The following NPR3 variants were observed in gnomAD, a reference collection of about 807,000 sequenced individuals.
The protein encoded by NPR3 is atrial natriuretic peptide receptor 3.
A neutral mutation model predicts 54.5 loss-of-function variants in NPR3; 34 were observed. The observed-to-expected ratio is 0.62, with a 90% CI of 0.47 to 0.83. NPR3 has a LOEUF of 0.83. NPR3 is among the 40% of genes least tolerant of loss of function. NPR3 has a pLI of 0.00. For missense variants in NPR3, 674 were observed against 720.8 expected, an observed-to-expected ratio of 0.94 and a Z score of 0.74; for synonymous variants, 289 against 297.1, an observed-to-expected ratio of 0.97 and a Z score of 0.28.
intron 1 of NPR3, among the ~76,000 whole-genome samples, chr5:32,704,370 T>TTGTGTG (rs57959913): frequency 0.038 from 5,527 of 146,826 alleles, 165 homozygotes; most frequent in African/African-American, 0.085. Context: ...TTTTGGCTCT[T>TTGTGTG]TGTGTGTGTG....
intron 3 of NPR3, among the ~76,000 whole-genome samples, chr5:32,758,317 TG>T (rs1048123055): frequency 6.6e-6 from 1 of 152,220 alleles, no homozygotes; most frequent in African/African-American, 2.4e-5. Context: ...AAATTCTTCC[TG>T]GTGTAGTCTT....
chr5:32,778,570 T>A (rs1460975624), intron 4 of NPR3, among the ~76,000 whole-genome samples: 1 of 152,126 alleles, frequency 6.6e-6, no homozygotes, highest in African/African-American at 2.4e-5. Context: ...GTGTGAGAGG[T>A]CAGAGTGACA....
rs754855640 is a variant in NPR3, at chr5:32,789,612, C to T, written c.*3267C>T. 2.6e-5 allele frequency: 14 copies of T among 534,672 alleles called. No homozygotes were observed. Among genetic ancestry groups the T allele is most frequent in the South Asian group, 1.5e-4 (11 of 71,602 alleles). The allele number at this position is 534,672 out of a possible 1,614,324, so 33.1% of individuals were successfully genotyped here. A position where few individuals can be genotyped will look rare whatever the true frequency, so the allele number is the denominator to read the frequency against. ...AGACGTTTGCTTTGGAATGCCCTCA[C>T]TTCTCCCTATTCACAGGCTTCTAAA... On this transcript the variant is annotated 3_prime_UTR_variant, in exon 8 of 8. Transcript: ENST00000265074.
At chr5:32,723,729 G>T (rs1738988001) in intron 1 of NPR3, among the ~76,000 whole-genome samples, 1 of 152,054 alleles carries the variant, frequency 6.6e-6, no homozygotes, top group Non-Finnish European at 1.5e-5. Context: ...TTTTGGAAAA[G>T]ACGTAAGAAA....
intron 1 of NPR3, among the ~76,000 whole-genome samples, chr5:32,695,121 G>T (rs997320759): frequency 6.6e-6 from 1 of 152,086 alleles, no homozygotes; most frequent in African/African-American, 2.4e-5. Context: ...TGGACACTTG[G>T]GTTACTTCTC....
At chr5:32,785,228 C>T (rs1742556712) in intron 7 of NPR3, among the ~76,000 whole-genome samples, 1 of 145,864 alleles carries the variant, frequency 6.9e-6, no homozygotes, top group Non-Finnish European at 1.5e-5. Flanking sequence ...TCTCTGTTCA[C>T]TGCAACCTCC....
At chr5:32,779,516 C>T (rs899195203) in intron 4 of NPR3, among the ~76,000 whole-genome samples, 1 of 152,204 alleles carries the variant, frequency 6.6e-6, no homozygotes, top group East Asian at 1.9e-4. Flanking sequence ...GTCACTGACT[C>T]CCTTTGTCCA....
chr5:32,716,767 T>C (rs1159745865), intron 1 of NPR3: 1 of 153,418 alleles, frequency 6.5e-6, no homozygotes, highest in Non-Finnish European at 1.4e-5. Context: ...GTTAAAACAG[T>C]CTGTTTTTGT....
intron 1 of NPR3, among the ~76,000 whole-genome samples, chr5:32,719,587 C>T (rs6889608): frequency 0.71 from 107,811 of 151,996 alleles, 38,879 homozygotes; most frequent in Middle Eastern, 0.79. Context: ...CTCCTCTTCC[C>T]TGTGTACTCA....
upstream of NPR3, among the ~76,000 whole-genome samples, chr5:32,707,172 A>C (rs1257273996): frequency 6.6e-6 from 1 of 152,206 alleles, no homozygotes; most frequent in Non-Finnish European, 1.5e-5. Context: ...AAGAAGTGAA[A>C]AAAAGATGGT....
Position 32,780,759 on chromosome 5 carries a change from C to T in NPR3, c.1233C>T (p.Asp411=), listed in dbSNP as rs372821018. The T allele has an allele frequency of 9.7e-5, 156 of 1,602,148 alleles. 2 individuals are homozygous for T. In the African/African-American group the frequency reaches 1.7e-3, roughly 18 times the overall value. ...AGGTGTCCATAGATGCCAACGGAGA[C>T]CGATATGGGGATTTCTCTGTGATTG... ...AGQVSIDANG[D]RYGDFSVIAM... Residue 411 remains aspartate (D), a synonymous_variant, in exon 5 of 8, where the codon GAC becomes GAT. Transcript: ENST00000265074.
In NPR3 at chr5:32,786,497, G is replaced by A. The variant is rs1742640191; in HGVS notation, c.*152G>A. 1 of 630,922 alleles carries A rather than the reference G, an allele frequency of 1.6e-6. No individual in the cohort carries two copies. Among genetic ancestry groups the A allele is most frequent in the Non-Finnish European group, 2.8e-6 (1 of 354,826 alleles). 39.1% of individuals were successfully genotyped at this position (630,922 alleles called of 1,614,324 possible). On this transcript the variant is annotated 3_prime_UTR_variant, in exon 8 of 8. Transcript: ENST00000265074. ...TTTTAAAATTTCTGTAGAAGCTCAG[G>A]AATTATGATTAATCACCATCTGCCT...
chr5:32,699,403 C>T (rs1457226403), intron 1 of NPR3, among the ~76,000 whole-genome samples: 1 of 152,004 alleles, frequency 6.6e-6, no homozygotes, highest in Non-Finnish European at 1.5e-5. Flanking sequence ...ATTAATCCAT[C>T]ATCTAGGTTT....
chr5:32,712,131 C>T lies in NPR3; in HGVS notation c.355C>T (p.Arg119Cys), dbSNP rs1317104959. The T allele has an allele frequency of 5.6e-6, 9 of 1,613,494 alleles. No individual in the cohort carries two copies. The highest frequency in any genetic ancestry group is 7.6e-6 in the Non-Finnish European group (9 of 1,179,770). The change falls in exon 1 of 8, where the codon CGC becomes TGC. Residue 119 changes from arginine (R) to cysteine (C), a missense_variant. By Grantham distance (180) the Arg-to-Cys change is radical (BLOSUM62 -3). Coordinates refer to ENST00000265074, the MANE Select transcript of NPR3 (RefSeq NM_001204375.2). The stretch of plus-strand genomic sequence containing the variant: ...CCGTGCGCTCTTCAGCTTGGTGGAC[C>T]GCGTGGCGGCGGCGCGGGGCGCCAA... ...GNRALFSLVD[R>C]VAAARGAKPD... is the part of the protein sequence containing the mutation.
At chr5:32,695,117 CTT>C (rs1740490765) in intron 1 of NPR3, among the ~76,000 whole-genome samples, 1 of 152,140 alleles carries the variant, frequency 6.6e-6, no homozygotes, top group South Asian at 2.1e-4. Context: ...TTGATGGACA[CTT>C]GGGTTACTTC....
chr5:32,724,745 G>T lies in NPR3; in HGVS notation c.817G>T (p.Val273Leu). The T allele has an allele frequency of 1.2e-6, 2 of 1,613,914 alleles. No homozygotes were observed. The highest frequency in any genetic ancestry group is 2.2e-5 in the South Asian group (2 of 91,076). Residue 273 changes from valine (V) to leucine (L), a missense_variant, in exon 2 of 8, where the codon GTG becomes TTG. By Grantham distance (32) the Val-to-Leu change is conservative. Transcript: ENST00000265074. ...TGACACCATCCGGAGCATCATGCTG[G>T]TGGCGCACAGGCATGGCATGACCAG... ...SSDTIRSIML[V>L]AHRHGMTSGD... is the part of the protein sequence containing the mutation.
chr5:32,750,873 C>T (rs187999625), intron 3 of NPR3, among the ~76,000 whole-genome samples: 7 of 152,262 alleles, frequency 4.6e-5, no homozygotes, highest in Admixed American at 3.9e-4. Flanking sequence ...GCAAAACACA[C>T]GAATAATAAT....
intron 3 of NPR3, among the ~76,000 whole-genome samples, chr5:32,739,887 C>T (rs1026293677): frequency 2.0e-5 from 3 of 152,100 alleles, no homozygotes; most frequent in Admixed American, 6.6e-5. Flanking sequence ...TCTTCCTCCT[C>T]TTCTTTTTTT....
intron 4 of NPR3, among the ~76,000 whole-genome samples, chr5:32,779,140 C>A (rs1441269704): frequency 5.3e-5 from 8 of 152,152 alleles, no homozygotes; most frequent in African/African-American, 1.4e-4. Flanking sequence ...CACATACATG[C>A]CCTCTCCAAG....
Sources: allele counts gnomAD v4.1 joint callset (sites outside exome capture counted in the v4.1 genomes callset), GRCh38; gene constraint gnomAD v4.1.1; transcripts MANE v1.5; gene names NCBI Gene and HGNC (gene_info 2026-07-23, HGNC 2026-07-21).